SLC8A1: variants seen among roughly 807,000 people sequenced by gnomAD.
SLC8A1 encodes the protein sodium/calcium exchanger 1.
A neutral mutation model predicts 68.3 loss-of-function variants in SLC8A1; 18 were observed. The ratio of observed to expected loss-of-function variants is 0.26; its 90% confidence interval spans 0.18 to 0.39. The LOEUF is 0.39. SLC8A1 is among the 10% of genes least tolerant of loss of function. The probability of loss-of-function intolerance (pLI) is 1.00; values close to 1 mark genes in which losing one functional copy is unlikely to be tolerated. For missense variants in SLC8A1, 985 were observed against 1,156.7 expected (o/e 0.85, Z 2.15); for synonymous variants, 475 against 415.5 (o/e 1.14, Z -1.74).
In SLC8A1 at chr2:40,460,611, G is replaced by A. The variant is rs529438549; in HGVS notation, c.-24-30307C>T. Among the ~76,000 whole-genome samples, 61 of 147,758 alleles carry A rather than the reference G, an allele frequency of 4.1e-4. 1 individual carries two copies. The highest frequency in any genetic ancestry group is 7.3e-4 in the Non-Finnish European group (49 of 67,346). ...TTTTTTTTTTTTGAGACAGAGTCTC[G>A]CCCTGTTGCCCAGGCTGGAATGCAG... On this transcript the variant is annotated intron_variant, in intron 1 of 7. Transcript: ENST00000402441.
intron 1 of SLC8A1, among the ~76,000 whole-genome samples, chr2:40,501,034 G>A (rs375628598): frequency 2.6e-5 from 4 of 151,692 alleles, no homozygotes; most frequent in South Asian, 4.2e-4. Context: ...GTTCTCACGG[G>A]GCTGCTTACT....
At chr2:40,284,270 T>C (rs762006253) in intron 2 of SLC8A1, among the ~76,000 whole-genome samples, 1 of 149,970 alleles carries the variant, frequency 6.7e-6, no homozygotes, top group Non-Finnish European at 1.5e-5. Context: ...TATAAATATA[T>C]AGAGACATCT....
intron 4 of SLC8A1, among the ~76,000 whole-genome samples, chr2:40,168,819 A>G (rs2046983551): frequency 1.3e-5 from 2 of 152,218 alleles, no homozygotes; most frequent in South Asian, 4.1e-4. Context: ...TCCTGAGTGC[A>G]CATGCACACT....
At chr2:40,455,386 A>T (rs947830178), upstream of SLC8A1, among the ~76,000 whole-genome samples, 1 of 152,174 alleles carries the variant, frequency 6.6e-6, no homozygotes, top group African/African-American at 2.4e-5. Context: ...AATTACATAA[A>T]TCAGAGGTAC....
At chr2:40,319,584 C>T (rs1467532594) in intron 2 of SLC8A1, among the ~76,000 whole-genome samples, 2 of 152,054 alleles carry the variant, frequency 1.3e-5, no homozygotes, top group Non-Finnish European at 2.9e-5. Flanking sequence ...GTAGATGCCT[C>T]ACTAAGCAGC....
chr2:40,437,675 T>A (rs1297332849), intron 1 of SLC8A1, among the ~76,000 whole-genome samples: 1 of 152,160 alleles, frequency 6.6e-6, no homozygotes, highest in Non-Finnish European at 1.5e-5. Flanking sequence ...CAGTATTTTT[T>A]AAAATAGAAT....
At chr2:40,391,790 A>G (rs1318851083) in intron 2 of SLC8A1, among the ~76,000 whole-genome samples, 1 of 152,092 alleles carries the variant, frequency 6.6e-6, no homozygotes, top group Non-Finnish European at 1.5e-5. Flanking sequence ...AATCAGGTAG[A>G]CAAAAAGTGT....
chr2:40,240,421 C>T (rs1156246599), intron 2 of SLC8A1, among the ~76,000 whole-genome samples: 1 of 152,034 alleles, frequency 6.6e-6, no homozygotes, highest in Non-Finnish European at 1.5e-5. Flanking sequence ...TGAACTGGAC[C>T]CAATGCAACA....
At chr2:40,305,199 C>A in intron 2 of SLC8A1, among the ~76,000 whole-genome samples, 1 of 152,150 alleles carries the variant, frequency 6.6e-6, no homozygotes, top group Non-Finnish European at 1.5e-5. Flanking sequence ...CTTGGGAAGC[C>A]CCTTCTAGTG....
exon 8 of SLC8A1, chr2:40,110,228 C>T (rs1228961671): frequency 1.3e-5 from 2 of 151,406 alleles, no homozygotes; most frequent in Admixed American, 1.3e-4. Flanking sequence ...GACGATTAAT[C>T]ATGGCCTAAT....
At position 40,457,476 on chromosome 2, in the gene SLC8A1, A is replaced by G. The variant is rs1465158170; in HGVS notation, c.-24-27172T>C. Among the ~76,000 whole-genome samples, 3 of 152,234 alleles carry G rather than the reference A, an allele frequency of 2.0e-5. No homozygotes were observed. The East Asian group carries it at 5.8e-4, about 29-fold the overall frequency. The stretch of plus-strand genomic sequence containing the variant: ...TGTTTTAGTGCTTACCACAATGCCC[A>G]GACAGTAGCCCTTGAAGATGAAACC... On this transcript the variant is annotated intron_variant, in intron 1 of 7. Transcript: ENST00000402441.
chr2:40,243,394 G>A (rs1449397434), intron 2 of SLC8A1, among the ~76,000 whole-genome samples: 2 of 152,090 alleles, frequency 1.3e-5, no homozygotes, highest in Non-Finnish European at 2.9e-5. Context: ...TGAGATGGGA[G>A]GATCACTTGA....
At chr2:40,113,215 T>C (rs1298328149) in exon 8 of SLC8A1, 1 of 152,476 alleles carries the variant, frequency 6.6e-6, no homozygotes, top group Non-Finnish European at 1.5e-5. Context: ...TCATGGTTAC[T>C]GAGTGACAGA....
intron 4 of SLC8A1, among the ~76,000 whole-genome samples, chr2:40,167,643 C>G (rs528613238): frequency 1.3e-5 from 2 of 152,260 alleles, no homozygotes; most frequent in Non-Finnish European, 2.9e-5. Context: ...TAATTCCACA[C>G]TTTTATCCCT....
intron 2 of SLC8A1, among the ~76,000 whole-genome samples, chr2:40,420,144 A>G (rs192921932): frequency 6.6e-5 from 10 of 152,290 alleles, no homozygotes; most frequent in Admixed American, 6.5e-4. Context: ...TAAAAATTCT[A>G]TGTGCTGCGG....
chr2:40,133,935 G>T (rs1216088197), intron 7 of SLC8A1, among the ~76,000 whole-genome samples: 1 of 152,090 alleles, frequency 6.6e-6, no homozygotes, highest in Non-Finnish European at 1.5e-5. Context: ...CCAAAAAAAG[G>T]CTGGGCTCCA....
At chr2:40,237,809 G>C (rs1321172796) in intron 2 of SLC8A1, among the ~76,000 whole-genome samples, 6 of 152,146 alleles carry the variant, frequency 3.9e-5, no homozygotes, top group Non-Finnish European at 5.9e-5. Flanking sequence ...CTGTTTGTTA[G>C]TTTTCCTTCT....
At chr2:40,115,541 G>T in exon 8 of SLC8A1, 1 of 1,614,130 alleles carries the variant, frequency 6.2e-7, no homozygotes, top group Non-Finnish European at 8.5e-7. Context: ...TTCCCAGGAA[G>T]ACATTCACCG....
chr2:40,213,255 A>T (rs2056920024), intron 2 of SLC8A1: 1 of 152,152 alleles, frequency 6.6e-6, no homozygotes, highest in South Asian at 2.1e-4. Context: ...GAAACCTACC[A>T]TTGAAGATGT....
Sources: allele counts gnomAD v4.1 joint callset (sites outside exome capture counted in the v4.1 genomes callset), GRCh38; gene constraint gnomAD v4.1.1; transcripts MANE v1.5; gene names NCBI Gene and HGNC (gene_info 2026-07-23, HGNC 2026-07-21).